Variants in TJP1 observed in about 807,000 individuals in gnomAD.
TJP1 encodes the protein tight junction protein ZO-1.
In TJP1, 43 loss-of-function variants were observed where a neutral mutation model predicts 194.2. That is an observed-to-expected ratio of 0.22 (90% CI 0.17 to 0.29). TJP1 has a LOEUF of 0.29. TJP1 is among the 10% of genes least tolerant of loss of function. TJP1 has a pLI of 1.00. For synonymous variants in TJP1, 801 were observed against 779.0 expected, an observed-to-expected ratio of 1.03 and a Z score of -0.47; for missense variants, 1,971 against 2,185.7, an observed-to-expected ratio of 0.90 and a Z score of 1.96.
intron 2 of TJP1, among the ~76,000 whole-genome samples, chr15:29,936,781 T>G (rs2054896607): frequency 6.6e-6 from 1 of 152,170 alleles, no homozygotes; most frequent in Non-Finnish European, 1.5e-5. Flanking sequence ...TGAAGTACTG[T>G]TATTGCTTAC....
At position 29,733,263 on chromosome 15, in the gene TJP1, T is replaced by A; in HGVS notation, c.1567A>T (p.Thr523Ser). 1 of 1,613,914 alleles carries A rather than the reference T, an allele frequency of 6.2e-7. No individual in the cohort carries two copies. The highest frequency in any genetic ancestry group is 8.5e-7 in the Non-Finnish European group (1 of 1,179,880). The change falls in exon 13 of 28, where the codon ACC becomes TCC. Residue 523 changes from threonine to serine, a missense_variant. Coordinates refer to ENST00000614355, the MANE Select transcript of TJP1 (RefSeq NM_001330239.4). ...GATTCCTTTTCATATTCAAAATGGG[T>A]TCTAATATAGAAAGAATCTCCTACA... ...SDVGDSFYIRTHFEYEKESPY... is the reference protein window; with the variant it reads ...SDVGDSFYIRSHFEYEKESPY...
At chr15:29,913,488 G>A (rs1157026018) in intron 2 of TJP1, among the ~76,000 whole-genome samples, 1 of 152,134 alleles carries the variant, frequency 6.6e-6, no homozygotes, top group Non-Finnish European at 1.5e-5. Context: ...TTTCTAGAAG[G>A]GGGTCTATGG....
intron 2 of TJP1, among the ~76,000 whole-genome samples, chr15:29,912,091 A>G (rs2054032899): frequency 6.6e-6 from 1 of 152,184 alleles, no homozygotes; most frequent in African/African-American, 2.4e-5. Context: ...TAATGCCTGG[A>G]GAGGCCCGCT....
intron 2 of TJP1, among the ~76,000 whole-genome samples, chr15:29,906,284 C>G (rs1304015192): frequency 4.0e-5 from 6 of 151,814 alleles, no homozygotes; most frequent in Admixed American, 1.3e-4. Flanking sequence ...ACCAGCTTGG[C>G]CAATATGGTG....
chr15:29,956,482 C>A, intron 1 of TJP1: 1 of 975,816 alleles, frequency 1.0e-6, no homozygotes, highest in Non-Finnish European at 1.3e-6. Flanking sequence ...TTTTTCCAGC[C>A]AAAAAGCTAA....
At chr15:29,897,019 A>G (rs924523917) in intron 2 of TJP1, among the ~76,000 whole-genome samples, 4 of 152,234 alleles carry the variant, frequency 2.6e-5, no homozygotes, top group Non-Finnish European at 5.9e-5. Flanking sequence ...AGCCAGCTGC[A>G]GAAATTTGCT....
At chr15:29,923,909 A>G (rs1167094534) in intron 2 of TJP1, among the ~76,000 whole-genome samples, 1 of 152,220 alleles carries the variant, frequency 6.6e-6, no homozygotes. Flanking sequence ...TTACAGCTAA[A>G]CATGCCTATG....
intron 8 of TJP1, among the ~76,000 whole-genome samples, chr15:29,743,481 T>C (rs968950026): frequency 2.0e-5 from 3 of 152,148 alleles, no homozygotes; most frequent in African/African-American, 4.8e-5. Context: ...ATTCCAGCAC[T>C]TTGGGAGGCC....
At chr15:29,835,231 A>G (rs2050987246) in intron 2 of TJP1, among the ~76,000 whole-genome samples, 1 of 152,204 alleles carries the variant, frequency 6.6e-6, no homozygotes, top group African/African-American at 2.4e-5. Flanking sequence ...ATATATTAAT[A>G]CTTTGTTTCC....
intron 4 of TJP1, among the ~76,000 whole-genome samples, chr15:29,771,450 A>T (rs1385119394): frequency 2.0e-5 from 3 of 152,164 alleles, no homozygotes; most frequent in Non-Finnish European, 4.4e-5. Context: ...GTTGACCAAA[A>T]CATTGTCATG....
At chr15:29,842,900 T>C (rs1735418342) in intron 2 of TJP1, among the ~76,000 whole-genome samples, 2 of 152,362 alleles carry the variant, frequency 1.3e-5, no homozygotes, top group African/African-American at 2.4e-5. Flanking sequence ...CATAATGGTC[T>C]TGGCTTTGCC....
At chr15:29,891,361 C>A (rs920343245) in intron 2 of TJP1, among the ~76,000 whole-genome samples, 3 of 152,158 alleles carry the variant, frequency 2.0e-5, no homozygotes, top group Non-Finnish European at 2.9e-5. Context: ...CCTTTTTGGT[C>A]ATCTTTTCTT....
At position 29,701,601 on chromosome 15, in the gene TJP1, G is replaced by T; in HGVS notation, c.5301C>A (p.His1767Gln). ...GANCVSVLID[H>Q]F ...AGTTCCTATATTTCAAGAGTTAAAA[G>T]TGGTCAATAAGGACAGAAACACAGT... is the stretch of plus-strand genomic sequence containing the variant. The change falls in exon 28 of 28, where the codon CAC (histidine) becomes CAA (glutamine). Residue 1767 changes from histidine to glutamine, a missense_variant. His to Gln is a conservative substitution (Grantham distance 24). Around this residue, in one of 5 missense-constraint regions of TJP1, gnomAD observed 1,108 missense variants for 1,128.5 expected, o/e 0.98. Transcript: ENST00000614355. 6.2e-7 allele frequency: 1 copy of T among 1,612,766 alleles called. No homozygotes were observed. Among genetic ancestry groups the T allele is most frequent in the African/African-American group, 1.3e-5 (1 of 75,006 alleles).
rs754389882 is a variant in TJP1 at position 29,761,586 on chromosome 15, C to T, written c.862+15G>A. 11 of 1,578,496 alleles carry T rather than the reference C, an allele frequency of 7.0e-6. No individual in the cohort carries two copies. The highest frequency in any genetic ancestry group is 2.6e-6 in the Non-Finnish European group (3 of 1,159,310). On this transcript the variant is annotated intron_variant, in intron 7 of 27. Coordinates refer to ENST00000614355, the MANE Select transcript of TJP1 (RefSeq NM_001330239.4). The stretch of plus-strand genomic sequence containing the variant: ...AGGTCACTTAGAGGGAACGTTCAAA[C>T]AGAATCACACTCACCGTCTCTCTCA...
intron 2 of TJP1, among the ~76,000 whole-genome samples, chr15:29,776,494 CAT>C (rs751731411): frequency 9.9e-5 from 15 of 152,098 alleles, no homozygotes; most frequent in Non-Finnish European, 2.1e-4. Context: ...TACGAAAATT[CAT>C]GTTTGACTTT....
intron 2 of TJP1, among the ~76,000 whole-genome samples, chr15:29,924,478 A>C (rs1023653080): frequency 1.5e-4 from 23 of 152,244 alleles, no homozygotes; most frequent in African/African-American, 4.6e-4. Flanking sequence ...AGACATTAAA[A>C]TGTTTTCAAA....
chr15:29,780,815 A>C (rs1432822019), intron 2 of TJP1, among the ~76,000 whole-genome samples: 1 of 152,168 alleles, frequency 6.6e-6, no homozygotes, highest in Non-Finnish European at 1.5e-5. Flanking sequence ...ATAAGACCAA[A>C]AAACATCTTA....
intron 2 of TJP1, among the ~76,000 whole-genome samples, chr15:29,946,848 CA>C (rs1261875144): frequency 6.6e-6 from 1 of 152,140 alleles, no homozygotes; most frequent in Non-Finnish European, 1.5e-5. Context: ...GCAATATGAA[CA>C]CACAAATTCT....
At chr15:29,743,650 C>T (rs746793578) in intron 8 of TJP1, among the ~76,000 whole-genome samples, 20 of 151,966 alleles carry the variant, frequency 1.3e-4, no homozygotes, top group South Asian at 2.1e-4. Flanking sequence ...TTGCTTGAGC[C>T]GAGGAGTTGG....
Sources: allele counts gnomAD v4.1 joint callset (sites outside exome capture counted in the v4.1 genomes callset), GRCh38; gene constraint gnomAD v4.1.1; regional missense constraint gnomAD v4.1.1; transcripts MANE v1.5; gene names NCBI Gene and HGNC (gene_info 2026-07-23, HGNC 2026-07-21).